The following GSE1 variants were observed in gnomAD, a reference collection of about 807,000 sequenced individuals.
GSE1 encodes Gse1 coiled-coil protein.
In GSE1, 32 loss-of-function variants were observed where a neutral mutation model predicts 112.6. That is an observed-to-expected ratio of 0.28 (90% CI 0.21 to 0.38). The LOEUF (loss-of-function observed/expected upper bound fraction) is 0.38, where lower values mean the gene tolerates loss of function less well. Ranked by LOEUF, GSE1 falls within the 10% of genes least tolerant of loss-of-function variation. The pLI, the probability that GSE1 is intolerant of heterozygous loss-of-function variation, is 1.00. For synonymous variants in GSE1, 1,115 were observed against 735.6 expected (o/e 1.52, Z -8.35); for missense variants, 2,348 against 1,699.2 (o/e 1.38, Z -6.71).
intron 2 of GSE1, among the ~76,000 whole-genome samples, chr16:85,501,763 G>A (rs75349377): frequency 0.015 from 2,243 of 152,296 alleles, 59 homozygotes; most frequent in African/African-American, 0.052. Context: ...AGAACCGCTC[G>A]GGTCAGGCTG....
chr16:85,282,696 T>G (rs2044891521), intron 1 of GSE1, among the ~76,000 whole-genome samples: 1 of 152,236 alleles, frequency 6.6e-6, no homozygotes. Context: ...TTCCTTTATT[T>G]CTGTCCATAA....
At position 85,311,075 on chromosome 16, in the gene GSE1, G is replaced by A. The variant is rs1480807721; in HGVS notation, c.2284-46388G>A. On this transcript the variant is annotated intron_variant, in intron 1 of 2. Coordinates refer to the GSE1 transcript ENST00000637419. This position sits in a 1 kb window ranked among gnomAD's most constrained non-coding sequence, Gnocchi z 4.2. ...TGGCTCTGTCAAGAAGGATTATCTCGTCCTCCAGCAGGCAGGGCATCTGAC... is the reference window on the plus strand; with the variant it reads ...TGGCTCTGTCAAGAAGGATTATCTCATCCTCCAGCAGGCAGGGCATCTGAC... 4.6e-5 allele frequency among the ~76,000 whole-genome samples: 7 copies of A among 152,188 alleles called. No individual in the cohort carries two copies. The highest frequency in any genetic ancestry group is 1.9e-4 in the East Asian group (1 of 5,190).
chr16:85,249,142 C>T (rs1906179632), intron 1 of GSE1, among the ~76,000 whole-genome samples: 1 of 152,244 alleles, frequency 6.6e-6, no homozygotes, highest in East Asian at 1.9e-4. Context: ...CCAGCTAAGA[C>T]ATCTTGCCTT....
At chr16:85,302,782 C>A (rs571782015) in intron 1 of GSE1, among the ~76,000 whole-genome samples, 1 of 152,164 alleles carries the variant, frequency 6.6e-6, no homozygotes, top group Non-Finnish European at 1.5e-5. Context: ...CAATTCTTGG[C>A]CTTGGCCTTG....
chr16:85,611,441 A>C, upstream of GSE1: 1 of 984,522 alleles, frequency 1.0e-6, no homozygotes. Context: ...GCGTCCGGCC[A>C]AGGCCGCAAG....
At chr16:85,505,220 G>A (rs75048190) in intron 2 of GSE1, among the ~76,000 whole-genome samples, 1 of 152,178 alleles carries the variant, frequency 6.6e-6, no homozygotes, top group Non-Finnish European at 1.5e-5. Context: ...ATAGGGTGAT[G>A]AGCTGCATCT....
At position 85,674,154 on chromosome 16, in the gene GSE1, G is replaced by C. The variant is rs1023554588; in HGVS notation, c.*1615G>C. The C allele has an allele frequency of 3.3e-5, 5 of 152,338 alleles. No homozygotes were observed. The highest frequency in any genetic ancestry group is 1.2e-4 in the African/African-American group (5 of 41,390). 9.4% of individuals were successfully genotyped at this position (152,338 alleles called of 1,614,324 possible). On this transcript the variant is annotated 3_prime_UTR_variant, in exon 16 of 16. Transcript: ENST00000253458. ...TCTGGGGGGTGGAGGCCTGAGCTGA[G>C]GGCAGGGTGCCTGACCTGTGTGCCG...
chr16:85,534,819 C>T (rs1290572343), intron 2 of GSE1, among the ~76,000 whole-genome samples: 4 of 152,172 alleles, frequency 2.6e-5, no homozygotes, highest in South Asian at 4.1e-4. Flanking sequence ...AGCGTTGCTG[C>T]GTGTATTGAT....
At chr16:85,302,076 C>A (rs936809400) in intron 1 of GSE1, among the ~76,000 whole-genome samples, 2 of 152,196 alleles carry the variant, frequency 1.3e-5, no homozygotes, top group East Asian at 3.9e-4. Context: ...CTCTGAACAG[C>A]TGCTAATGGC....
intron 1 of GSE1, among the ~76,000 whole-genome samples, chr16:85,180,177 G>T (rs2076365466): frequency 6.6e-6 from 1 of 152,216 alleles, no homozygotes; most frequent in Non-Finnish European, 1.5e-5. Context: ...GATTAAATCG[G>T]TTGCTGGATT....
intron 2 of GSE1, among the ~76,000 whole-genome samples, chr16:85,473,027 G>T (rs940659574): frequency 6.6e-6 from 1 of 152,258 alleles, no homozygotes; most frequent in Admixed American, 6.5e-5. Context: ...TGGGGTGGGG[G>T]CACAGGAGGT....
rs146202958 is a variant in GSE1, at chr16:85,469,774, G to A, written c.2464+112131G>A. Among the ~76,000 whole-genome samples, 21 of 152,282 alleles carry A rather than the reference G, an allele frequency of 1.4e-4. 1 individual carries two copies. The East Asian group carries it at 2.9e-3, about 21-fold the overall frequency. On this transcript the variant is annotated intron_variant, in intron 2 of 2. Coordinates refer to the GSE1 transcript ENST00000637419. ...CTGACTGGAGGAAGGTCATTTTCCC[G>A]TCTGAAATGCGCCTTGCAAAAATCC... is the stretch of plus-strand genomic sequence containing the variant.
intron 2 of GSE1, among the ~76,000 whole-genome samples, chr16:85,368,002 A>T (rs2047219612): frequency 6.6e-6 from 1 of 152,020 alleles, no homozygotes; most frequent in Non-Finnish European, 1.5e-5. Context: ...GGCATGTGCC[A>T]CCAAGCCCGG....
At chr16:85,491,882 C>T (rs1197377150) in intron 2 of GSE1, among the ~76,000 whole-genome samples, 1 of 152,166 alleles carries the variant, frequency 6.6e-6, no homozygotes, top group Non-Finnish European at 1.5e-5. Flanking sequence ...TGGCTGTGGC[C>T]TGTGTTGACA....
At chr16:85,296,812 G>T (rs2151451938) in intron 1 of GSE1, among the ~76,000 whole-genome samples, 1 of 151,464 alleles carries the variant, frequency 6.6e-6, no homozygotes, top group East Asian at 2.0e-4. Context: ...ACTGTCACTT[G>T]CTGCATGTAA....
intron 1 of GSE1, among the ~76,000 whole-genome samples, chr16:85,353,342 T>G (rs2046888310): frequency 6.6e-6 from 1 of 152,206 alleles, no homozygotes; most frequent in Admixed American, 6.5e-5. Context: ...TGGCTGGATG[T>G]TTTCAGTTCT....
intron 2 of GSE1, among the ~76,000 whole-genome samples, chr16:85,424,818 C>G (rs1257632168): frequency 6.6e-6 from 1 of 152,266 alleles, no homozygotes; most frequent in Non-Finnish European, 1.5e-5. Context: ...CCGCTGGAGC[C>G]TGTGTTTCCA....
intron 1 of GSE1, chr16:85,285,453 G>A (rs1438709929): frequency 6.6e-6 from 1 of 152,086 alleles, no homozygotes; most frequent in Admixed American, 6.6e-5. Context: ...AGGCTGAGGT[G>A]GGTGGATCAT....
chr16:85,414,489 C>A (rs562293995), intron 2 of GSE1, among the ~76,000 whole-genome samples: 1 of 152,228 alleles, frequency 6.6e-6, no homozygotes, highest in Non-Finnish European at 1.5e-5. Flanking sequence ...ACTGCCCTGA[C>A]CCACAGAATG....
Sources: allele counts gnomAD v4.1 joint callset (sites outside exome capture counted in the v4.1 genomes callset), GRCh38; gene constraint gnomAD v4.1.1; non-coding constraint Gnocchi (gnomAD v3.1); transcripts MANE v1.5; gene names NCBI Gene and HGNC (gene_info 2026-07-23, HGNC 2026-07-21).